The following PAFAH1B1 variants were observed in gnomAD, a reference collection of about 807,000 sequenced individuals.
The protein encoded by PAFAH1B1 is platelet-activating factor acetylhydrolase IB subunit beta.
In PAFAH1B1, 2 loss-of-function variants were observed where a neutral mutation model predicts 57.5. The observed-to-expected ratio is 0.03, with a 90% CI of 0.01 to 0.11. The LOEUF (loss-of-function observed/expected upper bound fraction) is 0.11. Ranked by LOEUF, PAFAH1B1 falls within the 10% of genes least tolerant of loss-of-function variation. The pLI, the probability that PAFAH1B1 is intolerant of heterozygous loss-of-function variation, is 1.00. For missense variants in PAFAH1B1, 257 were observed against 512.0 expected (o/e 0.50, Z 4.81); for synonymous variants, 152 against 169.6 (o/e 0.90, Z 0.81).
At chr17:2,662,662 C>T (rs1287323935) in intron 2 of PAFAH1B1, among the ~76,000 whole-genome samples, 4 of 152,018 alleles carry the variant, frequency 2.6e-5, no homozygotes, top group Non-Finnish European at 5.9e-5. Context: ...TCCTGGGCCT[C>T]CCAAAGTGCT....
At chr17:2,598,214 G>A (rs1248348273) in intron 1 of PAFAH1B1, among the ~76,000 whole-genome samples, 2 of 152,036 alleles carry the variant, frequency 1.3e-5, no homozygotes, top group South Asian at 2.1e-4. Context: ...GCACCATTAC[G>A]CTCCAGCCTG....
chr17:2,635,973 A>T (rs1369674509), intron 1 of PAFAH1B1, among the ~76,000 whole-genome samples: 2 of 149,660 alleles, frequency 1.3e-5, no homozygotes, highest in African/African-American at 4.9e-5. Flanking sequence ...AAAAAAAAAA[A>T]TTAGCTGGGG....
chr17:2,633,051 T>A (rs2068574327), intron 1 of PAFAH1B1, among the ~76,000 whole-genome samples: 1 of 152,214 alleles, frequency 6.6e-6, no homozygotes, highest in Admixed American at 6.6e-5. Flanking sequence ...ACTATAATCA[T>A]ACCCCTGGTC....
In PAFAH1B1 at chr17:2,636,138, A is replaced by G. The variant is rs551659489; in HGVS notation, c.-190-1961A>G. ...AAGAAACAGTATGAAGAAAAGTGAG[A>G]CTTGAATAATTGGGAGTTGTTAAGT... On this transcript the variant is annotated intron_variant, in intron 1 of 10. Coordinates refer to ENST00000397195, the MANE Select transcript of PAFAH1B1 (RefSeq NM_000430.4). Among the ~76,000 whole-genome samples the G allele has an allele frequency of 2.0e-3, 303 of 152,052 alleles. 1 individual carries two copies. Among genetic ancestry groups the G allele is most frequent in the Admixed American group, 7.1e-3 (108 of 15,234 alleles).
chr17:2,681,836 C>T lies in PAFAH1B1; in HGVS notation c.*34C>T, dbSNP rs959285514. 1 of 1,481,472 alleles carries T rather than the reference C, an allele frequency of 6.8e-7. No individual in the cohort carries two copies. 91.8% of individuals were successfully genotyped at this position (1,481,472 alleles called of 1,614,324 possible). A position where few individuals can be genotyped will look rare whatever the true frequency, so the allele number is the denominator to read the frequency against. ...CCTTCGGCCCCTCCTCCCTCTTTTC[C>T]TCTGGATGCACTCTGATGATACCAT... On this transcript the variant is annotated 3_prime_UTR_variant, in exon 11 of 11. Transcript: ENST00000397195.
At chr17:2,646,254 A>T in intron 2 of PAFAH1B1, among the ~76,000 whole-genome samples, 1 of 152,314 alleles carries the variant, frequency 6.6e-6, no homozygotes, top group Admixed American at 6.5e-5. Flanking sequence ...CAGTTTTTTA[A>T]AGAGAAAATT....
At chr17:2,594,340 C>T (rs2068059683) in intron 1 of PAFAH1B1, among the ~76,000 whole-genome samples, 1 of 152,148 alleles carries the variant, frequency 6.6e-6, no homozygotes, top group Non-Finnish European at 1.5e-5. Flanking sequence ...TCGCCCTCCT[C>T]CCTCGGTGAC....
At chr17:2,605,434 T>C (rs2068193662) in intron 1 of PAFAH1B1, among the ~76,000 whole-genome samples, 3 of 152,204 alleles carry the variant, frequency 2.0e-5, no homozygotes, top group African/African-American at 7.2e-5. Context: ...TTAATGAAAA[T>C]GCAAAGAACA....
At chr17:2,665,898 C>G (rs533450532) in intron 3 of PAFAH1B1, 118 bp from the exon 4 acceptor site, 1 of 1,084,586 alleles carries the variant, frequency 9.2e-7, no homozygotes, top group African/African-American at 1.6e-5. Context: ...CCATGCCCAG[C>G]CACTCCCTTT....
intron 2 of PAFAH1B1, chr17:2,640,812 A>G (rs1382828893): frequency 6.6e-6 from 1 of 152,142 alleles, no homozygotes; most frequent in East Asian, 1.9e-4. Context: ...TCTTCTTAAG[A>G]GAGTTGGATT....
In PAFAH1B1 at chr17:2,652,394, G is replaced by A. The variant is rs898595899; in HGVS notation, c.33-12978G>A. ...CGCGCCACTGCACTCCAGCCTGGGC[G>A]GCAGAGCGAGACTCCGTCTCAAACA... is the stretch of plus-strand genomic sequence containing the variant. On this transcript the variant is annotated intron_variant, in intron 2 of 10. Coordinates refer to ENST00000397195, the MANE Select transcript of PAFAH1B1 (RefSeq NM_000430.4). Among the ~76,000 whole-genome samples, 7 of 152,334 alleles carry A rather than the reference G, an allele frequency of 4.6e-5. No homozygotes were observed. In the South Asian group the frequency reaches 6.2e-4, roughly 14 times the overall value.
At chr17:2,594,061 G>T in intron 1 of PAFAH1B1, 55 bp downstream of exon 1, 2 of 397,682 alleles carry the variant, frequency 5.0e-6, no homozygotes, top group Non-Finnish European at 8.9e-6. Flanking sequence ...GCGCCCGGGC[G>T]GCTGCAGGCC....
intron 3 of PAFAH1B1, 33 bp downstream of exon 3, chr17:2,665,489 T>C: frequency 8.3e-7 from 1 of 1,203,920 alleles, no homozygotes; most frequent in Non-Finnish European, 1.2e-6. Context: ...CAAAGTATAG[T>C]TAATGAGTGG....
Position 2,616,337 on chromosome 17 carries a change from G to A in PAFAH1B1, c.-190-21762G>A, listed in dbSNP as rs115975681. 6.4e-3 allele frequency among the ~76,000 whole-genome samples: 976 copies of A among 152,062 alleles called. 14 individuals carry two copies. The highest frequency in any genetic ancestry group is 0.023 in the African/African-American group (938 of 41,472). The stretch of plus-strand genomic sequence containing the variant: ...TCTCCAGAGAAGCAAGGCCAATAGG[G>A]TGTGTGTGTGTAGAGATTGACTGGT... On this transcript the variant is annotated intron_variant, in intron 1 of 10. Coordinates refer to ENST00000397195, the MANE Select transcript of PAFAH1B1 (RefSeq NM_000430.4).
At chr17:2,640,229 A>G (rs1431359042) in intron 2 of PAFAH1B1, 16 of 152,136 alleles carry the variant, frequency 1.1e-4, no homozygotes, top group Admixed American at 1.0e-3. Flanking sequence ...TTAACCTTCC[A>G]TATTCCAGTT....
intron 1 of PAFAH1B1, among the ~76,000 whole-genome samples, chr17:2,605,730 A>G (rs972709907): frequency 1.3e-5 from 2 of 152,178 alleles, no homozygotes; most frequent in African/African-American, 4.8e-5. Flanking sequence ...TCGTAATCTT[A>G]TAATAAGTAC....
chr17:2,668,671 C>T (rs1251776043), intron 5 of PAFAH1B1, among the ~76,000 whole-genome samples: 1 of 150,972 alleles, frequency 6.6e-6, no homozygotes, highest in African/African-American at 2.4e-5. Flanking sequence ...GAGTGAGACC[C>T]TGTCTTAAAA....
rs71359173 is a variant in PAFAH1B1 at position 2,677,802 on chromosome 17, G to A, written c.1002+1196G>A. On this transcript the variant is annotated intron_variant, in intron 9 of 10. Transcript: ENST00000397195. Reference sequence around the variant, plus strand: ...CCGGGAGGCGGAGCTTGCAGTGACCGGAGATGGCACCACTGTACTCCAGCC... The same window carrying A: ...CCGGGAGGCGGAGCTTGCAGTGACCAGAGATGGCACCACTGTACTCCAGCC... Among the ~76,000 whole-genome samples, 317 of 151,860 alleles carry A rather than the reference G, an allele frequency of 2.1e-3. 1 individual carries two copies. Among genetic ancestry groups the A allele is most frequent in the Middle Eastern group, 3.5e-3 (1 of 288 alleles).
chr17:2,647,952 C>T (rs1008332659), intron 2 of PAFAH1B1, among the ~76,000 whole-genome samples: 1 of 151,898 alleles, frequency 6.6e-6, no homozygotes, highest in Non-Finnish European at 1.5e-5. Flanking sequence ...TGCAGTGATC[C>T]GAGATCATGC....
Sources: gnomAD v4.1 joint callset for allele counts (sites outside exome capture counted in the v4.1 genomes callset) on GRCh38, gnomAD v4.1.1 for gene constraint, MANE v1.5 for transcripts, NCBI Gene and HGNC (gene_info 2026-07-23, HGNC 2026-07-21) for gene names.